LMX1B: variants seen among roughly 807,000 people sequenced by gnomAD.
LMX1B encodes LIM homeobox transcription factor 1-beta.
LMX1B carries 12 observed loss-of-function variants against 51.4 expected under a neutral mutation model. The observed-to-expected ratio is 0.23, with a 90% CI of 0.15 to 0.38. The LOEUF (loss-of-function observed/expected upper bound fraction) is 0.38, where lower values mean the gene tolerates loss of function less well. Ranked by LOEUF, LMX1B falls within the 10% of genes least tolerant of loss-of-function variation. LMX1B has a pLI of 1.00. For synonymous variants in LMX1B, 237 were observed against 235.4 expected, an observed-to-expected ratio of 1.01 and a Z score of -0.06; for missense variants, 445 against 571.1, an observed-to-expected ratio of 0.78 and a Z score of 2.25.
rs2030229119 is a variant in LMX1B at position 126,693,769 on chromosome 9, CCAG to C, written c.853_855del (p.Gln285del). ...AGATGAAGAAGCTGGCGCGGCGGCA[CCAG>C]CAGCAGCAGGAGCAGCAGAACTCCC... On this transcript the variant is annotated inframe_deletion, in exon 6 of 8. Transcript: ENST00000373474. The C allele has an allele frequency of 3.2e-5, 48 of 1,516,928 alleles. No homozygotes were observed. Among genetic ancestry groups the C allele is most frequent in the African/African-American group, 4.1e-5 (3 of 73,008 alleles). 94.0% of individuals were successfully genotyped at this position (1,516,928 alleles called of 1,614,324 possible). A position where few individuals can be genotyped will look rare whatever the true frequency, so the allele number is the denominator to read the frequency against.
At chr9:126,688,951 G>A (rs1182017319) in intron 2 of LMX1B, among the ~76,000 whole-genome samples, 2 of 152,224 alleles carry the variant, frequency 1.3e-5, no homozygotes, top group South Asian at 2.1e-4. Flanking sequence ...TCATTCTGCT[G>A]TGATACCCGT....
intron 2 of LMX1B, among the ~76,000 whole-genome samples, chr9:126,634,185 C>T (rs1015109886): frequency 3.6e-4 from 55 of 152,118 alleles, no homozygotes; most frequent in African/African-American, 1.1e-3. Context: ...GGATAAGGAG[C>T]GGGCAGGGAA....
At position 126,690,809 on chromosome 9, in the gene LMX1B, C is replaced by A. The variant is rs577034971; in HGVS notation, c.327-27C>A. Reference sequence around the variant, plus strand: ...TCTGGGAGGGACTTCTGAGCACCGCCAACACGCCCGCTTTGTGCATCCGCA... The same window carrying A: ...TCTGGGAGGGACTTCTGAGCACCGCAAACACGCCCGCTTTGTGCATCCGCA... On this transcript the variant is annotated intron_variant, in intron 2 of 7. Transcript: ENST00000373474. The A allele has an allele frequency of 3.6e-5, 56 of 1,577,428 alleles. No individual in the cohort carries two copies. In the African/African-American group the frequency reaches 6.6e-4, roughly 19 times the overall value.
Position 126,625,053 on chromosome 9 carries a change from C to T in LMX1B, c.326+9484C>T, listed in dbSNP as rs1034152596. Among the ~76,000 whole-genome samples the T allele has an allele frequency of 2.6e-5, 4 of 152,370 alleles. No homozygotes were observed. Among genetic ancestry groups the T allele is most frequent in the African/African-American group, 7.2e-5 (3 of 41,600 alleles). ...TAATCAGAGGCTGTGCCGCTCAAACCGCGGGGCCCTTTGTCCCACGGAGTG... is the reference window on the plus strand; with the variant it reads ...TAATCAGAGGCTGTGCCGCTCAAACTGCGGGGCCCTTTGTCCCACGGAGTG... On this transcript the variant is annotated intron_variant, in intron 2 of 7. Coordinates refer to ENST00000373474, the MANE Select transcript of LMX1B (RefSeq NM_001174147.2). The surrounding 1 kb of genome is among the most constrained non-coding windows in gnomAD (Gnocchi z 5.3).
intron 2 of LMX1B, among the ~76,000 whole-genome samples, chr9:126,665,254 G>A (rs565833276): frequency 3.3e-5 from 5 of 152,358 alleles, no homozygotes; most frequent in African/African-American, 9.6e-5. Flanking sequence ...CTGATTTGGG[G>A]GGAGGGGCGG....
chr9:126,665,421 A>G (rs1456589407), intron 2 of LMX1B, among the ~76,000 whole-genome samples: 1 of 152,184 alleles, frequency 6.6e-6, no homozygotes, highest in East Asian at 1.9e-4. Flanking sequence ...TAAAATGACT[A>G]TTTATTGCTT....
chr9:126,689,563 C>T (rs541190880), intron 2 of LMX1B, among the ~76,000 whole-genome samples: 2 of 152,292 alleles, frequency 1.3e-5, no homozygotes, highest in South Asian at 4.1e-4. Context: ...TGTTGTTGAG[C>T]TGAGTTCCCA....
At chr9:126,690,513 C>T (rs879397459) in intron 2 of LMX1B, among the ~76,000 whole-genome samples, 1 of 152,184 alleles carries the variant, frequency 6.6e-6, no homozygotes, top group Admixed American at 6.5e-5. Flanking sequence ...CTGACCTGGC[C>T]CCCAAGGAAA....
rs142255942 is a variant in LMX1B at position 126,670,504 on chromosome 9, T to C, written c.327-20332T>C. Among the ~76,000 whole-genome samples, 366 of 152,332 alleles carry C rather than the reference T, an allele frequency of 2.4e-3. 1 individual carries two copies. The highest frequency in any genetic ancestry group is 8.5e-3 in the African/African-American group (353 of 41,568). ...TTGTGCTGGCATGTGTGGGCATGTG[T>C]AAACAGCAGGGTTGGGCAGATGCAG... is the stretch of plus-strand genomic sequence containing the variant. On this transcript the variant is annotated intron_variant, in intron 2 of 7. Transcript: ENST00000373474.
rs149975915 is a variant in LMX1B, at chr9:126,656,341, G to T, written c.327-34495G>T. On this transcript the variant is annotated intron_variant, in intron 2 of 7. Transcript: ENST00000373474. ...AAGGCAGGCAGATCACTTGAGCTCA[G>T]GAGTTCAAGACCAGCCTGGGCAACA... 1.5e-3 allele frequency among the ~76,000 whole-genome samples: 232 copies of T among 152,144 alleles called. 3 individuals carry two copies. Among genetic ancestry groups the T allele is most frequent in the Non-Finnish European group, 2.5e-3 (168 of 68,028 alleles).
intron 2 of LMX1B, among the ~76,000 whole-genome samples, chr9:126,621,145 AG>A (rs1215976565): frequency 6.6e-6 from 1 of 152,234 alleles, no homozygotes; most frequent in Non-Finnish European, 1.5e-5. Context: ...CTTTGGCATC[AG>A]TTAGGCTGAA....
chr9:126,685,492 A>T (rs899405032), intron 2 of LMX1B, among the ~76,000 whole-genome samples: 2 of 152,126 alleles, frequency 1.3e-5, no homozygotes, highest in African/African-American at 4.8e-5. Flanking sequence ...TTTCTCTCTG[A>T]AGTGGTAGGT....
At chr9:126,631,491 A>C (rs1033073605) in intron 2 of LMX1B, among the ~76,000 whole-genome samples, 3 of 151,688 alleles carry the variant, frequency 2.0e-5, no homozygotes, top group African/African-American at 7.3e-5. Context: ...TGAGTTGCTC[A>C]GCTTCCTGGC....
intron 2 of LMX1B, among the ~76,000 whole-genome samples, chr9:126,629,726 TTATTAA>T (rs1835600430): frequency 6.6e-6 from 1 of 152,062 alleles, no homozygotes; most frequent in Non-Finnish European, 1.5e-5. Context: ...GGGGCAGGTT[TTATTAA>T]TATTATTTCC....
chr9:126,646,374 G>A (rs1055668061), intron 2 of LMX1B, among the ~76,000 whole-genome samples: 3 of 151,082 alleles, frequency 2.0e-5, no homozygotes, highest in Non-Finnish European at 2.9e-5. Context: ...CCATCTATCC[G>A]CTTATCCGCC....
rs534447963 is a variant in LMX1B at position 126,661,857 on chromosome 9, C to T, written c.327-28979C>T. On this transcript the variant is annotated intron_variant, in intron 2 of 7. Coordinates refer to ENST00000373474, the MANE Select transcript of LMX1B (RefSeq NM_001174147.2). ...GGCCAGGCCTGCAGCGCCCCCTGGC[C>T]CAGTGGCCCCTGCAGCCCTCAGCCG... Among the ~76,000 whole-genome samples, 5 of 152,322 alleles carry T rather than the reference C, an allele frequency of 3.3e-5. No individual in the cohort carries two copies. The South Asian group carries it at 1.0e-3, about 32-fold the overall frequency.
At chr9:126,669,896 G>A (rs1330938880) in intron 2 of LMX1B, among the ~76,000 whole-genome samples, 1 of 152,180 alleles carries the variant, frequency 6.6e-6, no homozygotes. Context: ...CATGAGGCAG[G>A]ACAGGAACCA....
At chr9:126,632,886 T>C (rs1835656109) in intron 2 of LMX1B, among the ~76,000 whole-genome samples, 1 of 152,220 alleles carries the variant, frequency 6.6e-6, no homozygotes, top group South Asian at 2.1e-4. Flanking sequence ...TTAATGCTCC[T>C]GCTGTCACAC....
chr9:126,647,960 G>A (rs576242346), intron 2 of LMX1B, among the ~76,000 whole-genome samples: 3 of 152,208 alleles, frequency 2.0e-5, no homozygotes, highest in East Asian at 1.9e-4. Flanking sequence ...GGGAGCTGCC[G>A]TCTGTGCCCT....
Sources: gnomAD v4.1 joint callset for allele counts (sites outside exome capture counted in the v4.1 genomes callset) on GRCh38, gnomAD v4.1.1 for gene constraint, Gnocchi (gnomAD v3.1) non-coding constraint, MANE v1.5 for transcripts, NCBI Gene and HGNC (gene_info 2026-07-23, HGNC 2026-07-21) for gene names.